The following PDE4D variants were observed in gnomAD, a reference collection of about 807,000 sequenced individuals.
PDE4D encodes the protein 3',5'-cyclic-AMP phosphodiesterase 4D.
Under a neutral mutation model 87.4 loss-of-function variants are expected in PDE4D, and 24 were observed. The observed-to-expected ratio is 0.27, with a 90% CI of 0.20 to 0.39. The LOEUF (loss-of-function observed/expected upper bound fraction) is 0.39. PDE4D is among the 10% of genes least tolerant of loss of function. The pLI is 1.00. For synonymous variants in PDE4D, 384 were observed against 383.2 expected, an observed-to-expected ratio of 1.00 and a Z score of -0.02; for missense variants, 714 against 1,041.0, an observed-to-expected ratio of 0.69 and a Z score of 4.32.
chr5:60,397,752 C>T (rs1375681260), intron 1 of PDE4D, among the ~76,000 whole-genome samples: 2 of 152,174 alleles, frequency 1.3e-5, no homozygotes, highest in Non-Finnish European at 2.9e-5. Flanking sequence ...TAGTTAAGAA[C>T]AGTGTATTAT....
intron 1 of PDE4D, among the ~76,000 whole-genome samples, chr5:59,237,774 C>T (rs1756764909): frequency 7.8e-6 from 1 of 127,480 alleles, no homozygotes; most frequent in Admixed American, 8.3e-5. Flanking sequence ...TCATACTGCC[C>T]TCATATAGGT....
At chr5:60,402,004 A>G (rs188230632) in intron 1 of PDE4D, among the ~76,000 whole-genome samples, 2 of 152,330 alleles carry the variant, frequency 1.3e-5, no homozygotes, top group Admixed American at 1.3e-4. Context: ...TATAACTCCA[A>G]TCAACCAAGA....
chr5:60,150,310 G>A (rs748352710), intron 2 of PDE4D, among the ~76,000 whole-genome samples: 20 of 151,814 alleles, frequency 1.3e-4, no homozygotes, highest in Non-Finnish European at 1.9e-4. Context: ...TCTCTGGTCT[G>A]TTACCTCATC....
intron 5 of PDE4D, among the ~76,000 whole-genome samples, chr5:59,143,599 T>C (rs1385615947): frequency 6.6e-6 from 1 of 152,162 alleles, no homozygotes; most frequent in Non-Finnish European, 1.5e-5. Context: ...GCATGGGACA[T>C]AGTAAGTACT....
chr5:59,022,258 G>A (rs1370122082), intron 6 of PDE4D, among the ~76,000 whole-genome samples: 4 of 152,164 alleles, frequency 2.6e-5, no homozygotes, highest in Non-Finnish European at 4.4e-5. Flanking sequence ...CCCTGCGGTG[G>A]AAAGGGGCAG....
chr5:60,447,864 A>G (rs971001510), intron 1 of PDE4D, among the ~76,000 whole-genome samples: 1 of 152,178 alleles, frequency 6.6e-6, no homozygotes, highest in Admixed American at 6.6e-5. Flanking sequence ...TACCGTTACT[A>G]TACTAGGAGG....
At chr5:59,246,909 C>T (rs1159985737) in intron 1 of PDE4D, among the ~76,000 whole-genome samples, 3 of 149,650 alleles carry the variant, frequency 2.0e-5, no homozygotes, top group Admixed American at 6.6e-5. Flanking sequence ...TACATTATCA[C>T]AGTGTGTGTG....
chr5:59,712,552 CAG>C (rs10580911), intron 1 of PDE4D, among the ~76,000 whole-genome samples: 73,899 of 149,042 alleles, frequency 0.5, 18,617 homozygotes, highest in East Asian at 0.69. Flanking sequence ...GGATTTATAA[CAG>C]AGTTATTAGT....
At chr5:59,151,683 TG>T (rs1779497586) in intron 5 of PDE4D, among the ~76,000 whole-genome samples, 1 of 152,116 alleles carries the variant, frequency 6.6e-6, no homozygotes, top group Non-Finnish European at 1.5e-5. Flanking sequence ...TGTTTAAAGC[TG>T]GGCACCACTT....
At chr5:59,062,312 T>C (rs1763248345) in intron 5 of PDE4D, among the ~76,000 whole-genome samples, 1 of 152,138 alleles carries the variant, frequency 6.6e-6, no homozygotes, top group African/African-American at 2.4e-5. Context: ...CTCCCATACA[T>C]TGGCATATTG....
At position 59,030,422 on chromosome 5, in the gene PDE4D, C is replaced by CAAA. The variant is rs373275661; in HGVS notation, c.921+8434_921+8436dup. Among the ~76,000 whole-genome samples, 127 of 58,258 alleles carry CAAA rather than the reference C, an allele frequency of 2.2e-3. 1 individual carries two copies. The highest frequency in any genetic ancestry group is 4.4e-3 in the South Asian group (6 of 1,354). 38.2% of individuals were successfully genotyped at this position (58,258 alleles called of 152,430 possible). On this transcript the variant is annotated intron_variant, in intron 6 of 14. Coordinates refer to ENST00000340635, the MANE Select transcript of PDE4D (RefSeq NM_001104631.2). Reference sequence around the variant, plus strand: ...GAAATATGAATGGCCAACAGAGATACAAAAAAAAAAAAAAAAAAAAAAAAC... The same window carrying CAAA: ...GAAATATGAATGGCCAACAGAGATACAAAAAAAAAAAAAAAAAAAAAAAAAAAC...
intron 2 of PDE4D, among the ~76,000 whole-genome samples, chr5:60,000,152 GAGA>G (rs1168423106): frequency 6.6e-6 from 1 of 151,946 alleles, no homozygotes; most frequent in Non-Finnish European, 1.5e-5. Context: ...GATAGAAAGA[GAGA>G]AGGACAGAAA....
intron 1 of PDE4D, among the ~76,000 whole-genome samples, chr5:59,499,015 T>C (rs986416099): frequency 2.0e-5 from 3 of 150,694 alleles, no homozygotes; most frequent in Admixed American, 2.0e-4. Flanking sequence ...ATTGAACACA[T>C]AGTCATAAAG....
chr5:59,290,965 C>A (rs1767894440), intron 1 of PDE4D, among the ~76,000 whole-genome samples: 2 of 151,978 alleles, frequency 1.3e-5, no homozygotes, highest in Admixed American at 1.3e-4. Context: ...AAAGGGAACC[C>A]TGGTACACTT....
intron 1 of PDE4D, among the ~76,000 whole-genome samples, chr5:59,457,274 C>G (rs1205505554): frequency 6.6e-6 from 1 of 152,194 alleles, no homozygotes; most frequent in Non-Finnish European, 1.5e-5. Context: ...AACGTCAAGG[C>G]AAGACTTCCC....
intron 1 of PDE4D, among the ~76,000 whole-genome samples, chr5:59,281,550 T>C (rs531986786): frequency 4.6e-5 from 7 of 152,170 alleles, no homozygotes; most frequent in Non-Finnish European, 7.4e-5. Context: ...TTTTTTATTA[T>C]GGTAAAATAC....
chr5:59,203,209 C>CA (rs1018101503), intron 2 of PDE4D, among the ~76,000 whole-genome samples: 14 of 151,646 alleles, frequency 9.2e-5, no homozygotes, highest in Admixed American at 7.2e-4. Context: ...ACAAGACCTA[C>CA]AAAAAAAGGT....
intron 2 of PDE4D, among the ~76,000 whole-genome samples, chr5:60,153,821 G>T (rs2910838): frequency 0.65 from 98,609 of 152,020 alleles, 32,676 homozygotes; most frequent in Middle Eastern, 0.7. Flanking sequence ...GTTAAACTCA[G>T]AGAAACAGAG....
At chr5:60,284,910 G>T (rs1475075302) in intron 1 of PDE4D, among the ~76,000 whole-genome samples, 3 of 147,734 alleles carry the variant, frequency 2.0e-5, no homozygotes, top group African/African-American at 7.9e-5. Flanking sequence ...TAGAGCCAAG[G>T]CCTTTGCTTT....
Sources: allele counts gnomAD v4.1 joint callset (sites outside exome capture counted in the v4.1 genomes callset), GRCh38; gene constraint gnomAD v4.1.1; transcripts MANE v1.5; gene names NCBI Gene and HGNC (gene_info 2026-07-23, HGNC 2026-07-21).